ADARB2: variants seen among roughly 807,000 people sequenced by gnomAD.
ADARB2 encodes inactive double-stranded RNA-specific editase B2.
In ADARB2, 25 loss-of-function variants were observed where a neutral mutation model predicts 62.2. That is an observed-to-expected ratio of 0.40 (90% confidence interval 0.29 to 0.56). The LOEUF is 0.56. Ranked by LOEUF, ADARB2 falls within the 20% of genes least tolerant of loss-of-function variation. The probability of loss-of-function intolerance (pLI) is 0.43; values close to 1 mark genes in which losing one functional copy is unlikely to be tolerated. For missense variants in ADARB2, 1,071 were observed against 1,077.4 expected, an observed-to-expected ratio of 0.99 and a Z score of 0.08; for synonymous variants, 572 against 500.8, an observed-to-expected ratio of 1.14 and a Z score of -1.90.
intron 1 of ADARB2, among the ~76,000 whole-genome samples, chr10:1,644,629 G>A (rs1004461082): frequency 4.6e-5 from 7 of 152,230 alleles, no homozygotes; most frequent in African/African-American, 9.6e-5. Context: ...GCGCCTACGC[G>A]GAGTGGACAG....
chr10:1,411,708 C>T (rs544821886), intron 1 of ADARB2, among the ~76,000 whole-genome samples: 14 of 152,206 alleles, frequency 9.2e-5, no homozygotes, highest in East Asian at 5.8e-4. Context: ...CGGCAAGAAG[C>T]GGATCGAACC....
chr10:1,301,792 A>G (rs1831575678), intron 3 of ADARB2, among the ~76,000 whole-genome samples: 2 of 152,214 alleles, frequency 1.3e-5, no homozygotes, highest in Admixed American at 1.3e-4. Context: ...CTATATTTTA[A>G]AGCAGTTTTA....
intron 4 of ADARB2, among the ~76,000 whole-genome samples, chr10:1,269,154 G>A (rs948092793): frequency 6.7e-6 from 1 of 148,440 alleles, no homozygotes; most frequent in Non-Finnish European, 1.5e-5. Flanking sequence ...TTCATACCAA[G>A]ACACTAATTT....
chr10:1,443,543 G>A (rs904192264), intron 1 of ADARB2, among the ~76,000 whole-genome samples: 5 of 152,026 alleles, frequency 3.3e-5, no homozygotes, highest in South Asian at 4.1e-4. Flanking sequence ...TGAAGGAATC[G>A]CCTCTGTGTG....
intron 8 of ADARB2, among the ~76,000 whole-genome samples, chr10:1,196,167 T>G (rs1366502612): frequency 6.6e-6 from 1 of 151,910 alleles, no homozygotes; most frequent in East Asian, 1.9e-4. Flanking sequence ...CCTGATCCTT[T>G]TATTAGGGCT....
At chr10:1,618,599 C>T (rs1833670698) in intron 1 of ADARB2, among the ~76,000 whole-genome samples, 1 of 151,796 alleles carries the variant, frequency 6.6e-6, no homozygotes, top group African/African-American at 2.4e-5. Context: ...TGCTGGAGTG[C>T]AGTGGCCCAA....
At chr10:1,373,334 A>C (rs989712033) in intron 2 of ADARB2, among the ~76,000 whole-genome samples, 1 of 150,448 alleles carries the variant, frequency 6.6e-6, no homozygotes, top group Non-Finnish European at 1.5e-5. Context: ...ACACCCACCC[A>C]CACACACACA....
rs113845008 is a variant in ADARB2 at position 1,416,384 on chromosome 10, G to A, written c.101-37224C>T. On this transcript the variant is annotated intron_variant, in intron 1 of 9. Transcript: ENST00000381312. ...GCCTGTGGGTGTTTGTTAAGGGGAC[G>A]CCAATCATTCTATTGCACTTCAGTT... Among the ~76,000 whole-genome samples, 545 of 152,312 alleles carry A rather than the reference G, an allele frequency of 3.6e-3. 3 individuals carry two copies. The highest frequency in any genetic ancestry group is 0.011 in the African/African-American group (478 of 41,574).
chr10:1,372,795 G>C (rs1019190038), intron 2 of ADARB2, among the ~76,000 whole-genome samples: 1 of 152,128 alleles, frequency 6.6e-6, no homozygotes, highest in Non-Finnish European at 1.5e-5. Flanking sequence ...TATTCTTGCC[G>C]GTCATAATTG....
chr10:1,618,467 A>C (rs1239033622), intron 1 of ADARB2, among the ~76,000 whole-genome samples: 1 of 152,226 alleles, frequency 6.6e-6, no homozygotes, highest in Non-Finnish European at 1.5e-5. Flanking sequence ...ACCATAAGAC[A>C]CTTCATAATA....
rs892154354 is a variant in ADARB2, at chr10:1,477,590, C to A, written c.101-98430G>T. Reference sequence around the variant, plus strand: ...ACACCAGCCCCAGCCATTGCACCCACAACAACACGGTGATGTGCCAGAAGC... The same window carrying A: ...ACACCAGCCCCAGCCATTGCACCCAAAACAACACGGTGATGTGCCAGAAGC... On this transcript the variant is annotated intron_variant, in intron 1 of 9. Transcript: ENST00000381312. This position sits in a 1 kb window ranked among gnomAD's most constrained non-coding sequence, Gnocchi z 4.5. Among the ~76,000 whole-genome samples, 1 of 152,190 alleles carries A rather than the reference C, an allele frequency of 6.6e-6. No homozygotes were observed. Among genetic ancestry groups the A allele is most frequent in the Non-Finnish European group, 1.5e-5 (1 of 68,034 alleles).
intron 3 of ADARB2, among the ~76,000 whole-genome samples, chr10:1,308,080 T>TA (rs1005906412): frequency 2.6e-5 from 3 of 113,752 alleles, no homozygotes; most frequent in African/African-American, 8.1e-5. Context: ...TAAAGTATAA[T>TA]AAAAAAAATA....
intron 1 of ADARB2, among the ~76,000 whole-genome samples, chr10:1,705,069 A>G (rs1056086562): frequency 6.6e-6 from 1 of 152,258 alleles, no homozygotes; most frequent in Non-Finnish European, 1.5e-5. Flanking sequence ...TTCATTAAAA[A>G]AATAAAGAAA....
chr10:1,228,521 T>C (rs1784436847), intron 6 of ADARB2, among the ~76,000 whole-genome samples: 1 of 152,222 alleles, frequency 6.6e-6, no homozygotes, highest in East Asian at 1.9e-4. Flanking sequence ...GACTCTAACA[T>C]AGACACACAC....
intron 8 of ADARB2, among the ~76,000 whole-genome samples, chr10:1,198,488 A>G (rs923511632): frequency 1.3e-5 from 2 of 152,232 alleles, no homozygotes; most frequent in African/African-American, 4.8e-5. Flanking sequence ...CAATGCAGGG[A>G]CAGCTTAGGG....
intron 3 of ADARB2, among the ~76,000 whole-genome samples, chr10:1,271,333 C>T (rs1326960059): frequency 2.0e-5 from 3 of 152,222 alleles, no homozygotes; most frequent in African/African-American, 7.2e-5. Context: ...CTCTGCCAAC[C>T]TCCCCATGGA....
intron 3 of ADARB2, among the ~76,000 whole-genome samples, chr10:1,303,682 G>A (rs186931360): frequency 0.072 from 10,898 of 152,146 alleles, 541 homozygotes; most frequent in Non-Finnish European, 0.1. Context: ...CTGATCTCTC[G>A]GCAGAAACCC....
At chr10:1,195,868 C>T (rs1054985042) in intron 8 of ADARB2, among the ~76,000 whole-genome samples, 6 of 152,288 alleles carry the variant, frequency 3.9e-5, no homozygotes, top group South Asian at 2.1e-4. Context: ...GTGCTTTTCC[C>T]GTTAGCCCTG....
Position 1,179,682 on chromosome 10 carries a change from G to A in ADARB2, c.*3511C>T, listed in dbSNP as rs771371390. The A allele has an allele frequency of 1.9e-4, 29 of 152,266 alleles. No individual in the cohort carries two copies. The highest frequency in any genetic ancestry group is 1.4e-3 in the Admixed American group (21 of 15,284). 9.4% of individuals were successfully genotyped at this position (152,266 alleles called of 1,614,324 possible). A position where few individuals can be genotyped will look rare whatever the true frequency, so the allele number is the denominator to read the frequency against. ...TTTGGAGGCAGATAAAGGTGGTGCT[G>A]GTTTTATGAGGACTTTTGTAGGGGC... On this transcript the variant is annotated 3_prime_UTR_variant, in exon 10 of 10. Coordinates refer to ENST00000381312, the MANE Select transcript of ADARB2 (RefSeq NM_018702.4).
Sources: gnomAD v4.1 joint callset for allele counts (sites outside exome capture counted in the v4.1 genomes callset) on GRCh38, gnomAD v4.1.1 for gene constraint, Gnocchi (gnomAD v3.1) non-coding constraint, MANE v1.5 for transcripts, NCBI Gene and HGNC (gene_info 2026-07-23, HGNC 2026-07-21) for gene names.